Variants in NPAS3 observed in about 807,000 individuals in gnomAD.
The protein encoded by NPAS3 is neuronal PAS domain protein 3.
A neutral mutation model predicts 73.1 loss-of-function variants in NPAS3; 14 were observed. The observed-to-expected ratio is 0.19, with a 90% CI of 0.13 to 0.30. The LOEUF is 0.30. Among genes scored for constraint, NPAS3 ranks in the 10% least tolerant of loss-of-function variants. The probability of loss-of-function intolerance (pLI) is 1.00; values close to 1 mark genes in which losing one functional copy is unlikely to be tolerated. For synonymous variants in NPAS3, 620 were observed against 541.5 expected, an observed-to-expected ratio of 1.14 and a Z score of -2.01; for missense variants, 1,096 against 1,250.0, an observed-to-expected ratio of 0.88 and a Z score of 1.86.
At chr14:32,934,788 C>T (rs912189348), upstream of NPAS3, 32 of 220,570 alleles carry the variant, frequency 1.5e-4, no homozygotes, top group Non-Finnish European at 2.3e-4. The surrounding 1 kb of genome is among the most constrained non-coding windows in gnomAD (Gnocchi z 4.1). Flanking sequence ...GAGCCCGAGC[C>T]CGAGCCCCCG....
In NPAS3 at chr14:33,370,184, A is replaced by T. The variant is rs1029656053; in HGVS notation, c.468+2916A>T. 7.9e-5 allele frequency among the ~76,000 whole-genome samples: 12 copies of T among 152,174 alleles called. No individual in the cohort carries two copies. In the East Asian group the frequency reaches 2.1e-3, roughly 27 times the overall value. ...TGCTATCTTTAAATAGCTTACAGTC[A>T]TTCAGGGAAAGAGGAACTAGGAGGT... On this transcript the variant is annotated intron_variant, in intron 4 of 11. Coordinates refer to ENST00000356141, the Ensembl canonical transcript of NPAS3.
intron 9 of NPAS3, among the ~76,000 whole-genome samples, chr14:33,784,749 T>TTTATTTATTTTTA (rs1566538632): frequency 1.5e-4 from 7 of 47,836 alleles, no homozygotes; most frequent in Non-Finnish European, 2.7e-4. Flanking sequence ...TTATTTATTT[T>TTTATTTATTTTTA]TTTTTTTTTT....
intron 2 of NPAS3, among the ~76,000 whole-genome samples, chr14:33,115,890 T>C (rs1207970130): frequency 6.6e-6 from 1 of 152,130 alleles, no homozygotes; most frequent in Non-Finnish European, 1.5e-5. Flanking sequence ...CCTTGATTTG[T>C]AAATTAAAGT....
At chr14:33,690,299 A>AG (rs1257732861) in intron 6 of NPAS3, among the ~76,000 whole-genome samples, 1 of 152,154 alleles carries the variant, frequency 6.6e-6, no homozygotes, top group Non-Finnish European at 1.5e-5. Flanking sequence ...AAATGAGTGT[A>AG]GATCTGGTGG....
chr14:33,799,799 C>A, exon 12 of NPAS3: 1 of 1,612,572 alleles, frequency 6.2e-7, no homozygotes, highest in East Asian at 2.2e-5. Context: ...AGACCCGGAG[C>A]CCGACCGGAA....
intron 1 of NPAS3, among the ~76,000 whole-genome samples, chr14:32,955,848 G>A (rs2036651337): frequency 6.6e-6 from 1 of 152,020 alleles, no homozygotes; most frequent in South Asian, 2.1e-4. Flanking sequence ...AATTAATAGA[G>A]AAATATAAGC....
chr14:33,622,053 C>T (rs1419280868), intron 5 of NPAS3, among the ~76,000 whole-genome samples: 1 of 152,158 alleles, frequency 6.6e-6, no homozygotes, highest in African/African-American at 2.4e-5. Flanking sequence ...TATCCAGCAG[C>T]CTGAGCAGAA....
intron 2 of NPAS3, among the ~76,000 whole-genome samples, chr14:33,158,622 G>C (rs2044735040): frequency 6.6e-6 from 1 of 152,084 alleles, no homozygotes; most frequent in South Asian, 2.1e-4. Flanking sequence ...TTCATGGAAG[G>C]GCTGAAGATA....
intron 4 of NPAS3, among the ~76,000 whole-genome samples, chr14:33,557,707 C>T (rs1055723618): frequency 1.3e-5 from 2 of 152,206 alleles, no homozygotes; most frequent in East Asian, 3.9e-4. Flanking sequence ...CAGTGGCTCA[C>T]GCCTGTAATC....
chr14:33,411,331 TGCCACTATGCCCA>T (rs1271518335), intron 4 of NPAS3, among the ~76,000 whole-genome samples: 3 of 152,084 alleles, frequency 2.0e-5, no homozygotes, highest in Admixed American at 6.5e-5. Flanking sequence ...TACAGGCATC[TGCCACTATGCCCA>T]GCTAATTTTT....
chr14:33,322,518 A>ATG (rs937635402), intron 3 of NPAS3, among the ~76,000 whole-genome samples: 15 of 150,754 alleles, frequency 9.9e-5, no homozygotes, highest in East Asian at 5.9e-4. Flanking sequence ...GTGTGTGTGT[A>ATG]TGTGTGTGTG....
intron 1 of NPAS3, among the ~76,000 whole-genome samples, chr14:32,999,462 G>GATC (rs1159389634): frequency 1.3e-5 from 2 of 151,448 alleles, no homozygotes; most frequent in Admixed American, 6.6e-5. Context: ...AGTGAGCAGA[G>GATC]ATCACACCAC....
chr14:33,791,006 C>T (rs7151327), intron 9 of NPAS3, among the ~76,000 whole-genome samples: 59,758 of 152,036 alleles, frequency 0.39, 12,006 homozygotes, highest in East Asian at 0.53. Flanking sequence ...CATGTTGTCC[C>T]AACTCTGCAC....
Position 33,015,457 on chromosome 14 carries a change from T to A in NPAS3, c.51-40448T>A, listed in dbSNP as rs139755247. Among the ~76,000 whole-genome samples, 95 of 152,342 alleles carry A rather than the reference T, an allele frequency of 6.2e-4. No homozygotes were observed. In the East Asian group the frequency reaches 0.016, roughly 26 times the overall value. The stretch of plus-strand genomic sequence containing the variant: ...ATAGTAATAATGGGGATGGAATTAA[T>A]ACTGTCAGATATCTGTATGCTGAGT... On this transcript the variant is annotated intron_variant, in intron 1 of 11. Transcript: ENST00000356141.
chr14:33,020,777 T>TTG (rs200029955), intron 1 of NPAS3, among the ~76,000 whole-genome samples: 1 of 152,078 alleles, frequency 6.6e-6, no homozygotes, highest in East Asian at 1.9e-4. Flanking sequence ...TTTTTTTTTT[T>TTG]GAGATGGAAT....
chr14:33,104,079 T>TA (rs1266541680), intron 2 of NPAS3, among the ~76,000 whole-genome samples: 3 of 152,152 alleles, frequency 2.0e-5, no homozygotes, highest in East Asian at 1.9e-4. Context: ...CAGAATGCTG[T>TA]AAAAAAAATC....
intron 5 of NPAS3, among the ~76,000 whole-genome samples, chr14:33,630,549 C>A (rs938076315): frequency 6.6e-6 from 1 of 152,076 alleles, no homozygotes; most frequent in Non-Finnish European, 1.5e-5. Flanking sequence ...TTTTTTAAGC[C>A]AGGATTCTCA....
At chr14:32,986,084 T>G (rs1309952672) in intron 1 of NPAS3, among the ~76,000 whole-genome samples, 3 of 152,196 alleles carry the variant, frequency 2.0e-5, no homozygotes, top group Non-Finnish European at 4.4e-5. Flanking sequence ...GTGTGCCTCT[T>G]GAACCGTCTG....
chr14:33,240,078 A>G (rs1267389483), intron 3 of NPAS3, among the ~76,000 whole-genome samples: 1 of 151,892 alleles, frequency 6.6e-6, no homozygotes, highest in Admixed American at 6.6e-5. Context: ...CATCAGTTGC[A>G]CAATGTAATT....
Sources: gnomAD v4.1 joint callset for allele counts (sites outside exome capture counted in the v4.1 genomes callset) on GRCh38, gnomAD v4.1.1 for gene constraint, Gnocchi (gnomAD v3.1) non-coding constraint, MANE v1.5 for transcripts, NCBI Gene and HGNC (gene_info 2026-07-23, HGNC 2026-07-21) for gene names.